Variants in DDX17 observed in about 807,000 individuals in gnomAD.
DDX17 encodes the protein DEAD-box helicase 17.
DDX17 carries 10 observed loss-of-function variants against 80.8 expected under a neutral mutation model. The ratio of observed to expected loss-of-function variants is 0.12; its 90% CI spans 0.08 to 0.21. The LOEUF (loss-of-function observed/expected upper bound fraction) is 0.21, where lower values mean the gene tolerates loss of function less well. Among genes scored for constraint, DDX17 ranks in the 10% least tolerant of loss-of-function variants. DDX17 has a pLI of 1.00. For synonymous variants in DDX17, 339 were observed against 336.2 expected, an observed-to-expected ratio of 1.01 and a Z score of -0.09; for missense variants, 586 against 957.4, an observed-to-expected ratio of 0.61 and a Z score of 5.12.
Position 38,498,078 on chromosome 22 carries a change from CACTT to C in DDX17, c.738+3_738+6del. The C allele has an allele frequency of 6.2e-7, 1 of 1,612,994 alleles. No individual in the cohort carries two copies. Among genetic ancestry groups the C allele is most frequent in the African/African-American group, 1.3e-5 (1 of 74,984 alleles). On this transcript the variant is annotated splice_donor_5th_base_variant and intron_variant, in intron 5 of 12. Transcript: ENST00000403230. Reference sequence around the variant, plus strand: ...TTAGAATTACAAAGAAACTGAAACACACTTACGATTGGGCCATCTCCCCTTTCCA... The same window carrying C: ...TTAGAATTACAAAGAAACTGAAACACACGATTGGGCCATCTCCCCTTTCCA...
intron 11 of DDX17, chr22:38,490,484 T>C (rs566318231): frequency 1.8e-5 from 23 of 1,272,862 alleles, no homozygotes; most frequent in Middle Eastern, 2.4e-4. Flanking sequence ...AGTTTAACAG[T>C]GTGTAGTTCA....
chr22:38,506,028 C>A lies in DDX17; in HGVS notation c.210G>T (p.Pro70=), dbSNP rs775723718. The A allele has an allele frequency of 6.3e-7, 1 of 1,589,654 alleles. No individual in the cohort carries two copies. Among genetic ancestry groups the A allele is most frequent in the Admixed American group, 1.8e-5 (1 of 55,532 alleles). ...TCCCAAAAGGATAGAGATCTGGGAG[C>A]GGGGCACGGATGGCCGGGCTCGGGA... The change falls in exon 1 of 13, where the codon CCG becomes CCT. Residue 70 remains proline (P), a synonymous_variant. Coordinates refer to ENST00000403230, the MANE Select transcript of DDX17 (RefSeq NM_006386.5).
At position 38,484,936 on chromosome 22, in the gene DDX17, CAA is replaced by C. The variant is rs1360611791; in HGVS notation, c.*997_*998del. On this transcript the variant is annotated 3_prime_UTR_variant, in exon 13 of 13. Coordinates refer to ENST00000403230, the MANE Select transcript of DDX17 (RefSeq NM_006386.5). ...TTTGCCAAAAGGGCAGAGTAGGTGG[CAA>C]AGAGTTGCTTTTAATCTAGCTCTAC... 6.6e-6 allele frequency: 1 copy of C among 150,820 alleles called. No homozygotes were observed. The highest frequency in any genetic ancestry group is 1.5e-5 in the Non-Finnish European group (1 of 67,588). The allele number at this position is 150,820 out of a possible 1,614,324, so 9.3% of individuals were successfully genotyped here.
At chr22:38,502,468 TCTA>T (rs2089840517) in intron 1 of DDX17, among the ~76,000 whole-genome samples, 2 of 151,744 alleles carry the variant, frequency 1.3e-5, no homozygotes, top group Admixed American at 1.3e-4. Flanking sequence ...TTCTTTGATC[TCTA>T]CTTTTACCTT....
intron 2 of DDX17, among the ~76,000 whole-genome samples, chr22:38,500,440 A>C (rs2145707128): frequency 6.6e-6 from 1 of 151,814 alleles, no homozygotes; most frequent in East Asian, 1.9e-4. Context: ...CAGGAGACGG[A>C]GACCAGTCTG....
rs538196980 is a variant in DDX17, at chr22:38,503,269, T to C, written c.288-1989A>G. Among the ~76,000 whole-genome samples the C allele has an allele frequency of 4.6e-5, 7 of 152,318 alleles. No individual in the cohort carries two copies. In the South Asian group the frequency reaches 1.0e-3, roughly 23 times the overall value. On this transcript the variant is annotated intron_variant, in intron 1 of 12. Transcript: ENST00000403230. The stretch of plus-strand genomic sequence containing the variant: ...GCTAAATAAGGTACTTTTCAAGAGG[T>C]AGAAAGTCTTTGGATTATCACTCTT...
chr22:38,490,180 T>C, intron 11 of DDX17: 1 of 1,191,814 alleles, frequency 8.4e-7, no homozygotes, highest in Non-Finnish European at 1.1e-6. Context: ...CCTGATGTTA[T>C]CTGTGCACTG....
Position 38,489,999 on chromosome 22 carries a change from T to C in DDX17, c.1448-1884A>G. On this transcript the variant is annotated intron_variant, in intron 11 of 12. Coordinates refer to ENST00000403230, the MANE Select transcript of DDX17 (RefSeq NM_006386.5). This position sits in a 1 kb window ranked among gnomAD's most constrained non-coding sequence, Gnocchi z 4.6. ...CCTAGCAGAAAGCACCAGGGTGGAGTCAACAGTTCACATGCTAATACTTGG... is the reference window on the plus strand; with the variant it reads ...CCTAGCAGAAAGCACCAGGGTGGAGCCAACAGTTCACATGCTAATACTTGG... 1 of 1,017,050 alleles carries C rather than the reference T, an allele frequency of 9.8e-7. No homozygotes were observed. Among genetic ancestry groups the C allele is most frequent in the South Asian group, 3.8e-5 (1 of 26,408 alleles). The allele number at this position is 1,017,050 out of a possible 1,614,324, so 63.0% of individuals were successfully genotyped here.
At position 38,492,081 on chromosome 22, in the gene DDX17, A is replaced by G; in HGVS notation, c.1422T>C (p.Ala474=). The G allele has an allele frequency of 2.5e-6, 4 of 1,612,594 alleles. No homozygotes were observed. The highest frequency in any genetic ancestry group is 3.4e-6 in the Non-Finnish European group (4 of 1,179,326). Reference sequence around the variant, plus strand: ...CTAGCCCACGGGAGGCTACATCTGTAGCAATAAGGATGGGTGCCTTTCCAG... The same window carrying G: ...CTAGCCCACGGGAGGCTACATCTGTGGCAATAAGGATGGGTGCCTTTCCAG... Residue 474 remains alanine, a synonymous_variant, in exon 11 of 13, where the codon GCT becomes GCC. Coordinates refer to ENST00000403230, the MANE Select transcript of DDX17 (RefSeq NM_006386.5).
intron 1 of DDX17, chr22:38,505,513 G>T (rs1479350698): frequency 6.0e-6 from 1 of 166,528 alleles, no homozygotes; most frequent in Non-Finnish European, 1.3e-5. Flanking sequence ...TTTCGTGTAA[G>T]GCTTTCCTGG....
In DDX17 at chr22:38,495,785, T is replaced by C; in HGVS notation, c.880+11A>G. ...ATAAACTAACAATTCTTTTACACTA[T>C]ATATTATTACCTCTTTCCAAGTCTC... is the stretch of plus-strand genomic sequence containing the variant. On this transcript the variant is annotated intron_variant, in intron 6 of 12. Transcript: ENST00000403230. The C allele has an allele frequency of 6.4e-7, 1 of 1,571,580 alleles. No individual in the cohort carries two copies. Among genetic ancestry groups the C allele is most frequent in the Non-Finnish European group, 8.6e-7 (1 of 1,159,914 alleles).
intron 1 of DDX17, among the ~76,000 whole-genome samples, chr22:38,504,914 C>CG (rs149777686): frequency 0.046 from 6,656 of 146,148 alleles, 234 homozygotes; most frequent in Non-Finnish European, 0.064. Context: ...TTTGGGGAAG[C>CG]GGGGGGGTCG....
At position 38,485,692 on chromosome 22, in the gene DDX17, ATATTT is replaced by A. The variant is rs1569136031; in HGVS notation, c.*238_*242del. On this transcript the variant is annotated 3_prime_UTR_variant, in exon 13 of 13. Coordinates refer to ENST00000403230, the MANE Select transcript of DDX17 (RefSeq NM_006386.5). The stretch of plus-strand genomic sequence containing the variant: ...TCCAGTCAGCTATATATATATATAT[ATATTT>A]TTTTTTTTTTTACAAAATGTTATTC... 9.4e-5 allele frequency: 6 copies of A among 63,994 alleles called. No individual in the cohort carries two copies. The highest frequency in any genetic ancestry group is 2.2e-4 in the South Asian group (1 of 4,498). The allele number at this position is 63,994 out of a possible 1,614,324, so 4.0% of individuals were successfully genotyped here.
At chr22:38,498,338 AC>A in intron 4 of DDX17, 101 bp downstream of exon 4, 1 of 1,518,006 alleles carries the variant, frequency 6.6e-7, no homozygotes, top group South Asian at 1.2e-5. Context: ...ATAGTATCTA[AC>A]TATCTGAATG....
intron 1 of DDX17, among the ~76,000 whole-genome samples, chr22:38,502,766 A>G (rs1464554347): frequency 6.6e-6 from 1 of 152,208 alleles, no homozygotes; most frequent in Non-Finnish European, 1.5e-5. Flanking sequence ...TTTGGCATAC[A>G]AACTGTATAG....
chr22:38,488,297 T>C (rs1055616848), intron 11 of DDX17, 182 bp from the exon 12 acceptor site: 3 of 1,494,332 alleles, frequency 2.0e-6, no homozygotes, highest in Non-Finnish European at 8.9e-7. Context: ...AAAAGAGGAT[T>C]ACTGATTCCT....
chr22:38,497,203 G>A (rs1054428638), intron 5 of DDX17, among the ~76,000 whole-genome samples: 1 of 141,306 alleles, frequency 7.1e-6, no homozygotes, highest in African/African-American at 2.7e-5. Context: ...AGCCGAGACA[G>A]GAGAATCGCT....
intron 1 of DDX17, among the ~76,000 whole-genome samples, chr22:38,502,748 G>C (rs556329898): frequency 2.6e-5 from 4 of 152,234 alleles, no homozygotes; most frequent in African/African-American, 4.8e-5. Context: ...GTAAAGTACA[G>C]GTCTTTGTTT....
intron 11 of DDX17, 194 bp from the exon 12 acceptor site, chr22:38,488,309 G>A (rs896688227): frequency 2.0e-6 from 3 of 1,475,140 alleles, no homozygotes; most frequent in Non-Finnish European, 2.7e-6. Context: ...CTGATTCCTG[G>A]GACATGCATA....
Sources: gnomAD v4.1 joint callset for allele counts (sites outside exome capture counted in the v4.1 genomes callset) on GRCh38, gnomAD v4.1.1 for gene constraint, Gnocchi (gnomAD v3.1) non-coding constraint, MANE v1.5 for transcripts, NCBI Gene and HGNC (gene_info 2026-07-23, HGNC 2026-07-21) for gene names.